The following MIAT variants were observed in gnomAD, a reference collection of about 807,000 sequenced individuals.
MIAT encodes myocardial infarction associated transcript.
chr22:26,654,807 G>T (rs1930395028), intron 2 of MIAT, among the ~76,000 whole-genome samples: 2 of 152,114 alleles, frequency 1.3e-5, no homozygotes, highest in South Asian at 4.1e-4. Flanking sequence ...CGCCTCCTGG[G>T]TTCACGCCAT....
exon 4 of MIAT, chr22:26,666,755 C>G: frequency 2.5e-6 from 1 of 398,766 alleles, no homozygotes; most frequent in Non-Finnish European, 4.4e-6. Context: ...TCCCTGGCTC[C>G]TGGTCCTTCT....
At chr22:26,648,849 T>A (rs1930285830) in intron 2 of MIAT, among the ~76,000 whole-genome samples, 1 of 151,948 alleles carries the variant, frequency 6.6e-6, no homozygotes, top group South Asian at 2.1e-4. Context: ...GTATAAGAAC[T>A]CTAGGTCTTG....
chr22:26,674,846 A>G, exon 5 of MIAT: 1 of 398,682 alleles, frequency 2.5e-6, no homozygotes, highest in Non-Finnish European at 4.4e-6. Context: ...CTAAGGATCT[A>G]CTATGTGCCA....
intron 2 of MIAT, among the ~76,000 whole-genome samples, chr22:26,654,991 C>A (rs140236388): frequency 2.0e-5 from 3 of 152,168 alleles, no homozygotes; most frequent in Non-Finnish European, 2.9e-5. Context: ...GGATTACAGG[C>A]GTGAGCTGCT....
chr22:26,673,091 G>A (rs1602375126), downstream of MIAT: 4 of 398,672 alleles, frequency 1.0e-5, no homozygotes, highest in South Asian at 1.3e-4. Context: ...GTGTGGGGAG[G>A]GGAAGCAGCT....
downstream of MIAT, chr22:26,674,063 C>T (rs1931170473): frequency 2.5e-6 from 1 of 398,550 alleles, no homozygotes; most frequent in Non-Finnish European, 4.4e-6. Context: ...CTTCCCCAGG[C>T]CAGGGCCTAG....
chr22:26,666,058 T>C, exon 4 of MIAT: 1 of 398,596 alleles, frequency 2.5e-6, no homozygotes, highest in Non-Finnish European at 4.4e-6. Context: ...TGACTTTAGA[T>C]GCATTTTTCT....
intron 2 of MIAT, among the ~76,000 whole-genome samples, chr22:26,659,191 G>A (rs2146004562): frequency 6.6e-6 from 1 of 152,214 alleles, no homozygotes; most frequent in Non-Finnish European, 1.5e-5. Flanking sequence ...AGGGAAGAGT[G>A]CCCCCACCTC....
chr22:26,666,136 G>A (rs1273793385), exon 4 of MIAT: 5 of 398,524 alleles, frequency 1.3e-5, no homozygotes, highest in Non-Finnish European at 1.3e-5. Flanking sequence ...CTGACAGCAA[G>A]CTCTGAAGAT....
intron 2 of MIAT, among the ~76,000 whole-genome samples, chr22:26,648,368 A>T (rs1482500259): frequency 1.3e-5 from 2 of 152,160 alleles, no homozygotes; most frequent in Non-Finnish European, 2.9e-5. Flanking sequence ...GCACGTAGGC[A>T]AGCGCACACG....
At chr22:26,673,664 CA>C, downstream of MIAT, 1 of 213,844 alleles carries the variant, frequency 4.7e-6, no homozygotes, top group Non-Finnish European at 7.9e-6. Flanking sequence ...TTGGCTAACA[CA>C]GGTTTGAACT....
chr22:26,647,623 C>G (rs1387694212), intron 2 of MIAT, among the ~76,000 whole-genome samples: 1 of 151,970 alleles, frequency 6.6e-6, no homozygotes, highest in Non-Finnish European at 1.5e-5. Context: ...GGGCTGGGGG[C>G]CAGCCATGGC....
downstream of MIAT, chr22:26,669,941 C>G (rs1930984586): frequency 2.5e-6 from 1 of 398,720 alleles, no homozygotes; most frequent in Non-Finnish European, 4.4e-6. Context: ...ATGTGCTTGC[C>G]TGTCAGGTGC....
rs1555949603 is a variant in MIAT, at chr22:26,667,349, T to TGTGC, written n.2262+42_2262+43insCGTG. ...CCTGGGAGCAGTGTGTGTGTGTGTGTGTGTGCGTGTGCACATGTGTGTGCA... is the reference window on the plus strand; with the variant it reads ...CCTGGGAGCAGTGTGTGTGTGTGTGTGTGCGTGTGCGTGTGCACATGTGTGTGCA... On this transcript the variant is annotated intron_variant and non_coding_transcript_variant, in intron 5 of 5. Transcript: ENST00000643270. The TGTGC allele has an allele frequency of 5.9e-5, 23 of 387,370 alleles. No homozygotes were observed. In the Admixed American group the frequency reaches 8.7e-4, roughly 15 times the overall value. The allele number at this position is 387,370 out of a possible 1,614,324, so 24.0% of individuals were successfully genotyped here. A position where few individuals can be genotyped will look rare whatever the true frequency, so the allele number is the denominator to read the frequency against.
At chr22:26,651,602 G>A (rs757667622) in intron 2 of MIAT, among the ~76,000 whole-genome samples, 2 of 152,214 alleles carry the variant, frequency 1.3e-5, no homozygotes, top group Admixed American at 6.5e-5. Flanking sequence ...CCTGTTCATA[G>A]CAGCGCTATT....
chr22:26,671,862 G>A (rs894535342), downstream of MIAT: 5 of 398,278 alleles, frequency 1.3e-5, no homozygotes, highest in Non-Finnish European at 2.2e-5. Flanking sequence ...ATGGAGGAAG[G>A]CCCCTCAAAC....
exon 4 of MIAT, chr22:26,666,738 C>T (rs1001296022): frequency 8.5e-5 from 34 of 398,622 alleles, no homozygotes; most frequent in Admixed American, 4.8e-4. Context: ...GGTGCCTGGG[C>T]CCAGCCTCCC....
At chr22:26,647,377 GA>G in intron 2 of MIAT, 1 of 6,496 alleles carries the variant, frequency 1.5e-4, no homozygotes, top group Non-Finnish European at 4.8e-4. Flanking sequence ...GGGGGGTGGA[GA>G]GAGAGAGAGA....
At chr22:26,660,132 G>T (rs1215695117) in intron 2 of MIAT, among the ~76,000 whole-genome samples, 1 of 151,228 alleles carries the variant, frequency 6.6e-6, no homozygotes, top group Non-Finnish European at 1.5e-5. Flanking sequence ...CCCCACACCT[G>T]ACCTGAAAAC....
Sources: allele counts gnomAD v4.1 joint callset (sites outside exome capture counted in the v4.1 genomes callset), GRCh38; gene constraint gnomAD v4.1.1; transcripts MANE v1.5; gene names NCBI Gene and HGNC (gene_info 2026-07-23, HGNC 2026-07-21).